CLSTN2: variants seen among roughly 807,000 people sequenced by gnomAD.
CLSTN2 encodes calsyntenin-2.
CLSTN2 carries 48 observed loss-of-function variants against 101.2 expected under a neutral mutation model. The observed-to-expected ratio is 0.47, with a 90% confidence interval of 0.38 to 0.60. The LOEUF is 0.60. Among genes scored for constraint, CLSTN2 ranks in the 20% least tolerant of loss-of-function variants. The pLI is 0.00. For missense variants in CLSTN2, 1,160 were observed against 1,238.2 expected (o/e 0.94, Z 0.95); for synonymous variants, 481 against 463.6 (o/e 1.04, Z -0.48).
chr3:140,406,183 A>T lies in CLSTN2; in HGVS notation c.637+1417A>T, dbSNP rs142309205. Reference sequence around the variant, plus strand: ...AGCCACCTGCTTGTACACCTTCAGGAGAAACCCAACACTTCATGATGTTGA... The same window carrying T: ...AGCCACCTGCTTGTACACCTTCAGGTGAAACCCAACACTTCATGATGTTGA... On this transcript the variant is annotated intron_variant, in intron 4 of 16. Transcript: ENST00000458420. Among the ~76,000 whole-genome samples the T allele has an allele frequency of 1.3e-3, 194 of 152,312 alleles. 1 individual carries two copies. The East Asian group carries it at 0.02, about 16-fold the overall frequency.
At chr3:140,354,490 T>C (rs760106750) in intron 2 of CLSTN2, among the ~76,000 whole-genome samples, 4 of 152,188 alleles carry the variant, frequency 2.6e-5, no homozygotes, top group Admixed American at 1.3e-4. Flanking sequence ...TCCACCCACA[T>C]TGACAAATTT....
At chr3:140,056,522 G>C (rs541282992) in intron 1 of CLSTN2, among the ~76,000 whole-genome samples, 153 of 152,294 alleles carry the variant, frequency 1.0e-3, no homozygotes, top group Non-Finnish European at 2.0e-3. Context: ...CCTCAGCCTG[G>C]GTGGGGAGCC....
chr3:140,554,372 GA>G (rs2107790308), intron 10 of CLSTN2, among the ~76,000 whole-genome samples: 1 of 152,238 alleles, frequency 6.6e-6, no homozygotes, highest in East Asian at 1.9e-4. Flanking sequence ...TCAGATCAGG[GA>G]AAAGTTAATA....
At chr3:139,937,056 T>A (rs1935034157) in intron 1 of CLSTN2, among the ~76,000 whole-genome samples, 1 of 151,210 alleles carries the variant, frequency 6.6e-6, no homozygotes. Flanking sequence ...ATCTCCCCCC[T>A]GCTTTCCCAA....
intron 2 of CLSTN2, among the ~76,000 whole-genome samples, chr3:140,182,564 GGTTT>G (rs2010426178): frequency 6.6e-6 from 1 of 152,276 alleles, no homozygotes; most frequent in Non-Finnish European, 1.5e-5. Flanking sequence ...ATTCCAAGCT[GGTTT>G]GTTTGGGGGC....
At chr3:140,249,423 G>A (rs1422055687) in intron 2 of CLSTN2, among the ~76,000 whole-genome samples, 1 of 152,166 alleles carries the variant, frequency 6.6e-6, no homozygotes, top group Admixed American at 6.5e-5. Context: ...TTGCTTTGGG[G>A]GCTGGAGCTC....
intron 2 of CLSTN2, among the ~76,000 whole-genome samples, chr3:140,214,876 T>C (rs796896872): frequency 6.6e-6 from 1 of 152,234 alleles, no homozygotes; most frequent in South Asian, 2.1e-4. Flanking sequence ...GTGCCATATA[T>C]TTTTGAAGTC....
intron 2 of CLSTN2, among the ~76,000 whole-genome samples, chr3:140,284,250 T>TA (rs962934438): frequency 2.1e-4 from 32 of 151,830 alleles, no homozygotes; most frequent in Non-Finnish European, 3.4e-4. Context: ...TTATTTTTTT[T>TA]AAAAAATACA....
At chr3:140,129,174 T>A (rs1257943987) in intron 1 of CLSTN2, among the ~76,000 whole-genome samples, 1 of 152,186 alleles carries the variant, frequency 6.6e-6, no homozygotes, top group Non-Finnish European at 1.5e-5. Context: ...ACCACTTTTT[T>A]TTTTAACTTT....
chr3:140,534,732 A>G (rs1935327819), intron 9 of CLSTN2, among the ~76,000 whole-genome samples: 1 of 152,244 alleles, frequency 6.6e-6, no homozygotes, highest in African/African-American at 2.4e-5. Flanking sequence ...GGCCAAAGCA[A>G]GTCAGAAGGC....
intron 15 of CLSTN2, among the ~76,000 whole-genome samples, chr3:140,563,652 T>C (rs1197033922): frequency 6.6e-6 from 1 of 152,198 alleles, no homozygotes; most frequent in Non-Finnish European, 1.5e-5. Flanking sequence ...AGTTTCTTTA[T>C]AATTTGAGGG....
intron 2 of CLSTN2, among the ~76,000 whole-genome samples, chr3:140,235,342 C>T (rs1014445558): frequency 2.0e-5 from 3 of 152,076 alleles, no homozygotes; most frequent in Non-Finnish European, 2.9e-5. Flanking sequence ...TTCCTTTCCA[C>T]GAAGACTTTC....
chr3:140,396,510 A>G (rs1158542155), intron 2 of CLSTN2, among the ~76,000 whole-genome samples: 1 of 152,160 alleles, frequency 6.6e-6, no homozygotes, highest in East Asian at 1.9e-4. Context: ...GCATATGTTA[A>G]CTCATTTAAT....
intron 2 of CLSTN2, among the ~76,000 whole-genome samples, chr3:140,229,145 C>T (rs1333225192): frequency 6.6e-6 from 1 of 152,062 alleles, no homozygotes; most frequent in Non-Finnish European, 1.5e-5. Context: ...AGCATGAGTT[C>T]CAGGATTGCA....
chr3:139,989,093 A>G (rs1362851638), intron 1 of CLSTN2, among the ~76,000 whole-genome samples: 3 of 152,192 alleles, frequency 2.0e-5, no homozygotes, highest in African/African-American at 7.2e-5. Flanking sequence ...CAGTCCTTAC[A>G]GCAGTGACAG....
chr3:140,314,513 T>G (rs1471785399), intron 2 of CLSTN2, among the ~76,000 whole-genome samples: 1 of 152,164 alleles, frequency 6.6e-6, no homozygotes, highest in Non-Finnish European at 1.5e-5. Flanking sequence ...TCATGGGACT[T>G]CTGGAGTGGT....
intron 2 of CLSTN2, among the ~76,000 whole-genome samples, chr3:140,265,164 G>T (rs1025265845): frequency 1.3e-5 from 2 of 152,310 alleles, no homozygotes; most frequent in Admixed American, 6.5e-5. Flanking sequence ...GAAGAACCAG[G>T]AATTGGGCCC....
intron 2 of CLSTN2, among the ~76,000 whole-genome samples, chr3:140,320,623 G>A (rs915020239): frequency 2.7e-5 from 4 of 150,284 alleles, no homozygotes; most frequent in Non-Finnish European, 5.9e-5. Context: ...GGGGGGGGCA[G>A]GGGTCAATAC....
At chr3:140,167,013 C>T (rs1315000920) in intron 1 of CLSTN2, among the ~76,000 whole-genome samples, 1 of 152,168 alleles carries the variant, frequency 6.6e-6, no homozygotes, top group Non-Finnish European at 1.5e-5. Context: ...AGGGAGGGAA[C>T]ATCAGGCTAT....
Sources: allele counts gnomAD v4.1 joint callset (sites outside exome capture counted in the v4.1 genomes callset), GRCh38; gene constraint gnomAD v4.1.1; transcripts MANE v1.5; gene names NCBI Gene and HGNC (gene_info 2026-07-23, HGNC 2026-07-21).